Variants in GRHL2 observed in about 807,000 individuals in gnomAD.
GRHL2 encodes grainyhead-like protein 2 homolog.
GRHL2 carries 21 observed loss-of-function variants against 83.8 expected under a neutral mutation model. The ratio of observed to expected loss-of-function variants is 0.25; its 90% confidence interval spans 0.18 to 0.36. GRHL2 has a LOEUF of 0.36. GRHL2 is among the 10% of genes least tolerant of loss of function. The pLI, the probability that GRHL2 is intolerant of heterozygous loss-of-function variation, is 1.00. For synonymous variants in GRHL2, 280 were observed against 278.9 expected, an observed-to-expected ratio of 1.00 and a Z score of -0.04; for missense variants, 623 against 781.8, an observed-to-expected ratio of 0.80 and a Z score of 2.42.
intron 8 of GRHL2, among the ~76,000 whole-genome samples, chr8:101,611,488 A>C (rs924419150): frequency 2.0e-5 from 3 of 149,536 alleles, no homozygotes; most frequent in Non-Finnish European, 2.9e-5. Flanking sequence ...ACAGCTGCCC[A>C]CTCCCAGTAC....
rs1429410122 is a variant in GRHL2, at chr8:101,639,981, T to C, written c.1517+3053T>C. On this transcript the variant is annotated intron_variant, in intron 12 of 15. Coordinates refer to ENST00000646743, the MANE Select transcript of GRHL2 (RefSeq NM_024915.4). ...AGGATATAACACACAAGAGCCCCTC[T>C]CCTGGTAACCCCACAATCATGCAGA... 3.3e-5 allele frequency among the ~76,000 whole-genome samples: 5 copies of C among 152,226 alleles called. No homozygotes were observed. The East Asian group carries it at 7.7e-4, about 23-fold the overall frequency.
intron 9 of GRHL2, among the ~76,000 whole-genome samples, chr8:101,625,726 G>T (rs1226857576): frequency 1.3e-5 from 2 of 152,004 alleles, no homozygotes; most frequent in Non-Finnish European, 2.9e-5. Context: ...AAAGTAGGTG[G>T]CATTTCCAAT....
At chr8:101,494,877 G>A (rs2129948014) in intron 1 of GRHL2, among the ~76,000 whole-genome samples, 1 of 152,178 alleles carries the variant, frequency 6.6e-6, no homozygotes, top group East Asian at 1.9e-4. Context: ...AATGAACGTT[G>A]CTTTTATCTA....
At chr8:101,534,692 A>G (rs1811006788) in intron 1 of GRHL2, among the ~76,000 whole-genome samples, 2 of 152,016 alleles carry the variant, frequency 1.3e-5, no homozygotes, top group South Asian at 4.2e-4. Context: ...CAGTGGAGGT[A>G]GTGAGAAGTG....
In GRHL2 at chr8:101,619,706, A is replaced by G; in HGVS notation, c.1257+9A>G. 1 of 1,605,106 alleles carries G rather than the reference A, an allele frequency of 6.2e-7. No homozygotes were observed. The highest frequency in any genetic ancestry group is 1.1e-5 in the South Asian group (1 of 90,852). On this transcript the variant is annotated intron_variant, in intron 9 of 15. Coordinates refer to ENST00000646743, the MANE Select transcript of GRHL2 (RefSeq NM_024915.4). Reference sequence around the variant, plus strand: ...AGGTCTTCTGTGACAAAGTGAGTAAAGATGACAGTTTTTTATAAAGGTATC... The same window carrying G: ...AGGTCTTCTGTGACAAAGTGAGTAAGGATGACAGTTTTTTATAAAGGTATC...
chr8:101,611,893 C>T (rs1218579485), intron 8 of GRHL2, among the ~76,000 whole-genome samples: 2 of 151,044 alleles, frequency 1.3e-5, no homozygotes, highest in South Asian at 2.1e-4. Context: ...TCAGAGGCAG[C>T]ATGCGCTTTC....
At chr8:101,563,983 G>A (rs900983582) in intron 4 of GRHL2, among the ~76,000 whole-genome samples, 2 of 152,162 alleles carry the variant, frequency 1.3e-5, no homozygotes, top group African/African-American at 4.8e-5. Flanking sequence ...GAATCATCAT[G>A]CTATTTGGGG....
chr8:101,550,399 A>G (rs2130146313), intron 2 of GRHL2, among the ~76,000 whole-genome samples: 1 of 152,244 alleles, frequency 6.6e-6, no homozygotes. Context: ...CTTTATGTCA[A>G]TGTGAACCCA....
chr8:101,634,130 AC>A (rs1386206363), intron 11 of GRHL2, among the ~76,000 whole-genome samples: 3 of 151,880 alleles, frequency 2.0e-5, no homozygotes, highest in African/African-American at 4.8e-5. Context: ...TCCAATCAGC[AC>A]CCCCCTGTAT....
At chr8:101,608,499 C>T (rs1390114952) in intron 8 of GRHL2, among the ~76,000 whole-genome samples, 1 of 152,114 alleles carries the variant, frequency 6.6e-6, no homozygotes, top group Admixed American at 6.6e-5. Flanking sequence ...GCAACTGAGA[C>T]ACAGATGTAA....
intron 3 of GRHL2, among the ~76,000 whole-genome samples, chr8:101,558,040 A>AT (rs916316601): frequency 1.1e-4 from 16 of 151,558 alleles, no homozygotes; most frequent in African/African-American, 3.9e-4. Context: ...AATTTTTTGT[A>AT]TTTTTTTGTT....
At chr8:101,675,686 C>T in the GRHL2 span, among the ~76,000 whole-genome samples, 1 of 152,142 alleles carries the variant, frequency 6.6e-6, no homozygotes, top group Admixed American at 6.5e-5. Flanking sequence ...CAATGACTTT[C>T]TTCACAGAAT....
intron 1 of GRHL2, among the ~76,000 whole-genome samples, chr8:101,507,625 A>G (rs62519084): frequency 0.12 from 18,542 of 152,178 alleles, 1,605 homozygotes; most frequent in African/African-American, 0.24. Context: ...CTTATTACAG[A>G]TAGCTTTCCA....
intron 8 of GRHL2, among the ~76,000 whole-genome samples, chr8:101,604,503 C>T (rs552693341): frequency 1.4e-4 from 22 of 152,160 alleles, no homozygotes; most frequent in Non-Finnish European, 2.9e-4. Context: ...TGTGCTACAA[C>T]GACCTCTGTC....
intron 14 of GRHL2, among the ~76,000 whole-genome samples, chr8:101,661,287 G>C (rs756602808): frequency 6.6e-6 from 1 of 152,160 alleles, no homozygotes; most frequent in Non-Finnish European, 1.5e-5. Flanking sequence ...GCCACTGGTG[G>C]CTTTTTTTCC....
At chr8:101,676,667 T>G in the GRHL2 span, among the ~76,000 whole-genome samples, 1 of 152,160 alleles carries the variant, frequency 6.6e-6, no homozygotes, top group Non-Finnish European at 1.5e-5. Flanking sequence ...TCCTCAGGGA[T>G]CTAGAACTAG....
At chr8:101,534,885 A>C (rs757406616) in intron 1 of GRHL2, among the ~76,000 whole-genome samples, 11 of 152,308 alleles carry the variant, frequency 7.2e-5, no homozygotes, top group Middle Eastern at 3.4e-3. Context: ...TGGTGATTGA[A>C]GAGCAGATGT....
chr8:101,551,290 T>C (rs1563576037), intron 2 of GRHL2, among the ~76,000 whole-genome samples: 1 of 152,196 alleles, frequency 6.6e-6, no homozygotes, highest in Non-Finnish European at 1.5e-5. Context: ...ACTCATTTAA[T>C]TTTACTAAAA....
At position 101,652,390 on chromosome 8, in the gene GRHL2, T is replaced by TGTGTG. The variant is rs1476183342; in HGVS notation, c.1698+2892_1698+2896dup. 1.9e-3 allele frequency among the ~76,000 whole-genome samples: 126 copies of TGTGTG among 66,938 alleles called. 12 individuals are homozygous for TGTGTG. Among genetic ancestry groups the TGTGTG allele is most frequent in the African/African-American group, 0.012 (116 of 9,844 alleles). The allele number at this position is 66,938 out of a possible 152,430, so 43.9% of individuals were successfully genotyped here. Reference sequence around the variant, plus strand: ...GTGTGTCTGATGTGTGTGTGGTGTGTGTGTGTGTCTGGTGTGTGTGTGGTG... The same window carrying TGTGTG: ...GTGTGTCTGATGTGTGTGTGGTGTGTGTGTGGTGTGTGTCTGGTGTGTGTGTGGTG... On this transcript the variant is annotated intron_variant, in intron 14 of 15. Coordinates refer to ENST00000646743, the MANE Select transcript of GRHL2 (RefSeq NM_024915.4).
Sources: gnomAD v4.1 joint callset for allele counts (sites outside exome capture counted in the v4.1 genomes callset) on GRCh38, gnomAD v4.1.1 for gene constraint, MANE v1.5 for transcripts, NCBI Gene and HGNC (gene_info 2026-07-23, HGNC 2026-07-21) for gene names.